The following CHODL variants were observed in gnomAD, a reference collection of about 807,000 sequenced individuals.
The protein encoded by CHODL is transmembrane protein MT75.
In CHODL, 29 loss-of-function variants were observed where a neutral mutation model predicts 34.5. The observed-to-expected ratio is 0.84, with a 90% CI of 0.63 to 1.15. CHODL has a LOEUF of 1.15. Ranked by LOEUF, CHODL falls within the 50% of genes most tolerant of loss-of-function variation. The pLI is 0.00. For synonymous variants in CHODL, 125 were observed against 116.1 expected (o/e 1.08, Z -0.49); for missense variants, 332 against 332.5 (o/e 1.00, Z 0.01).
chr21:17,955,554 C>A (rs2063488954), intron 1 of CHODL, among the ~76,000 whole-genome samples: 1 of 136,772 alleles, frequency 7.3e-6, no homozygotes, highest in African/African-American at 2.5e-5. Flanking sequence ...TGCATAATGA[C>A]TCTTTAGACA....
intron 2 of CHODL, among the ~76,000 whole-genome samples, chr21:18,217,005 G>GA (rs1484496249): frequency 1.3e-5 from 2 of 152,000 alleles, no homozygotes; most frequent in Non-Finnish European, 2.9e-5. Flanking sequence ...TTTTATTGCT[G>GA]AAAAATATTA....
At chr21:18,179,453 T>C (rs1157374606) in intron 2 of CHODL, among the ~76,000 whole-genome samples, 2 of 152,346 alleles carry the variant, frequency 1.3e-5, no homozygotes, top group African/African-American at 4.8e-5. Flanking sequence ...CGGCTCTTGC[T>C]TTAGTATTTC....
chr21:18,176,805 T>G (rs2146669947), intron 2 of CHODL, among the ~76,000 whole-genome samples: 1 of 152,166 alleles, frequency 6.6e-6, no homozygotes, highest in South Asian at 2.1e-4. Context: ...GAAAATTATT[T>G]TATAGATAGG....
intron 2 of CHODL, among the ~76,000 whole-genome samples, chr21:18,126,661 G>A (rs888045710): frequency 1.3e-5 from 2 of 151,218 alleles, no homozygotes; most frequent in Non-Finnish European, 2.9e-5. Flanking sequence ...ATATTACTAG[G>A]GCTTAATATC....
intron 1 of CHODL, among the ~76,000 whole-genome samples, chr21:18,248,754 GTA>G (rs1181411836): frequency 8.2e-5 from 9 of 110,044 alleles, no homozygotes; most frequent in Non-Finnish European, 3.5e-5. Context: ...TAATATATAT[GTA>G]TATATGTTAT....
chr21:18,028,278 C>CCTTT (rs2064204550), intron 2 of CHODL, among the ~76,000 whole-genome samples: 3 of 4,068 alleles, frequency 7.4e-4, no homozygotes, highest in South Asian at 0.013. Flanking sequence ...TTCCTTTTCC[C>CCTTT]CTTCCTTCCT....
At chr21:18,107,236 G>T (rs1420083371) in intron 2 of CHODL, among the ~76,000 whole-genome samples, 1 of 152,196 alleles carries the variant, frequency 6.6e-6, no homozygotes, top group African/African-American at 2.4e-5. Flanking sequence ...TCAGATGGTT[G>T]CTCTTATAGC....
In CHODL at chr21:18,081,419, A is replaced by G. The variant is rs2064940219; in HGVS notation, c.-45+53448A>G. Among the ~76,000 whole-genome samples, 3 of 152,120 alleles carry G rather than the reference A, an allele frequency of 2.0e-5. No individual in the cohort carries two copies. The South Asian group carries it at 6.2e-4, about 32-fold the overall frequency. ...AGTGGGGCTGGGTGCGGTGGCTCACATCTGTAATCCCAGCAATTTGGGAGG... is the reference window on the plus strand; with the variant it reads ...AGTGGGGCTGGGTGCGGTGGCTCACGTCTGTAATCCCAGCAATTTGGGAGG... On this transcript the variant is annotated intron_variant, in intron 2 of 6. Coordinates refer to the CHODL transcript ENST00000400127.
intron 2 of CHODL, among the ~76,000 whole-genome samples, chr21:18,051,088 C>A (rs542340807): frequency 1.3e-5 from 2 of 152,008 alleles, no homozygotes; most frequent in South Asian, 4.1e-4. Context: ...AGTCCCCCAG[C>A]CCCTGACAGG....
chr21:18,252,889 A>C (rs1375897693), intron 1 of CHODL, among the ~76,000 whole-genome samples: 1 of 151,952 alleles, frequency 6.6e-6, no homozygotes, highest in Non-Finnish European at 1.5e-5. Flanking sequence ...GGACCGGAGG[A>C]CTGCTCTATT....
intron 2 of CHODL, among the ~76,000 whole-genome samples, chr21:18,227,028 C>T (rs928566767): frequency 7.9e-5 from 12 of 152,088 alleles, no homozygotes; most frequent in African/African-American, 2.9e-4. Flanking sequence ...AGTCCATGAC[C>T]AAGGCTCCTG....
intron 2 of CHODL, among the ~76,000 whole-genome samples, chr21:18,238,101 G>C (rs1361116375): frequency 6.6e-6 from 1 of 152,048 alleles, no homozygotes; most frequent in Non-Finnish European, 1.5e-5. Flanking sequence ...CTTCCTTTAT[G>C]ATTGTCCTAA....
chr21:18,096,336 G>A (rs993071696), intron 2 of CHODL, among the ~76,000 whole-genome samples: 2 of 152,178 alleles, frequency 1.3e-5, no homozygotes, highest in South Asian at 2.1e-4. Flanking sequence ...AGGATAATAC[G>A]ATTTTCAGGG....
chr21:18,098,065 A>T (rs2065161671), intron 2 of CHODL, among the ~76,000 whole-genome samples: 1 of 152,102 alleles, frequency 6.6e-6, no homozygotes, highest in African/African-American at 2.4e-5. Context: ...ATAAAATCTA[A>T]ATGGATTAAA....
chr21:17,998,585 C>G (rs8133226), intron 1 of CHODL, among the ~76,000 whole-genome samples: 8 of 152,184 alleles, frequency 5.3e-5, no homozygotes, highest in African/African-American at 1.7e-4. Flanking sequence ...CATACATCTT[C>G]TAAAATCTAG....
chr21:17,938,871 G>T (rs1470194333), intron 1 of CHODL, among the ~76,000 whole-genome samples: 1 of 150,040 alleles, frequency 6.7e-6, no homozygotes, highest in East Asian at 1.9e-4. Context: ...TCAATTTACT[G>T]CCTCTGCTGG....
intron 2 of CHODL, among the ~76,000 whole-genome samples, chr21:18,168,700 TA>T (rs2073187089): frequency 6.6e-6 from 1 of 152,208 alleles, no homozygotes; most frequent in Non-Finnish European, 1.5e-5. Flanking sequence ...GCTTTGCAAA[TA>T]TTTTTTTCCA....
chr21:18,223,486 T>G (rs1297355014), intron 2 of CHODL, among the ~76,000 whole-genome samples: 4 of 152,164 alleles, frequency 2.6e-5, no homozygotes, highest in African/African-American at 7.2e-5. Context: ...AGATCAATAC[T>G]CCAGAATAAG....
chr21:17,977,930 A>AAAAAAAAAG (rs1157454717), intron 1 of CHODL, among the ~76,000 whole-genome samples: 1 of 149,322 alleles, frequency 6.7e-6, no homozygotes, highest in Non-Finnish European at 1.5e-5. Flanking sequence ...AAAAAAAAAA[A>AAAAAAAAAG]AAAAGAAAAA....
Sources: allele counts gnomAD v4.1 joint callset (sites outside exome capture counted in the v4.1 genomes callset), GRCh38; gene constraint gnomAD v4.1.1; transcripts MANE v1.5; gene names NCBI Gene and HGNC (gene_info 2026-07-23, HGNC 2026-07-21).